Variants in CCDC88A observed in about 807,000 individuals in gnomAD.
CCDC88A encodes girdin.
CCDC88A carries 54 observed loss-of-function variants against 234.3 expected under a neutral mutation model. The observed-to-expected ratio is 0.23, with a 90% confidence interval of 0.19 to 0.29. CCDC88A has a LOEUF of 0.29. Among genes scored for constraint, CCDC88A ranks in the 10% least tolerant of loss-of-function variants. CCDC88A has a pLI of 1.00. For missense variants in CCDC88A, 1,832 were observed against 2,123.4 expected (o/e 0.86, Z 2.70); for synonymous variants, 753 against 737.8 (o/e 1.02, Z -0.33).
chr2:55,334,766 C>T lies in CCDC88A; in HGVS notation c.2055G>A (p.Leu685=). 1.0e-5 allele frequency: 16 copies of T among 1,607,164 alleles called. No individual in the cohort carries two copies. The highest frequency in any genetic ancestry group is 1.4e-5 in the Non-Finnish European group (16 of 1,177,662). The part of the protein sequence containing the change: ...LKKTLDSFKN[L]TFQLESLEKE... ...TTTCTAGGGATTCTAACTGAAAGGT[C>T]AGATTTTTAAAGCTATCCAATGTTT... is the stretch of plus-strand genomic sequence containing the variant. The change falls in exon 15 of 33, where the codon CTG becomes CTA. Residue 685 remains leucine, a synonymous_variant. Transcript: ENST00000436346. The surrounding 1 kb of genome is among the most constrained non-coding windows in gnomAD (Gnocchi z 6.1).
chr2:55,295,101 T>G (rs1276831407), intron 31 of CCDC88A: 1 of 1,304,046 alleles, frequency 7.7e-7, no homozygotes, highest in East Asian at 5.5e-5. Flanking sequence ...AGTTTGATTA[T>G]CCTCAGAAAC....
In CCDC88A at chr2:55,336,669, A is replaced by C; in HGVS notation, c.1656+12T>G. 6.6e-7 allele frequency: 1 copy of C among 1,509,322 alleles called. No individual in the cohort carries two copies. The highest frequency in any genetic ancestry group is 8.9e-7 in the Non-Finnish European group (1 of 1,126,888). 93.5% of individuals were successfully genotyped at this position (1,509,322 alleles called of 1,614,324 possible). A position where few individuals can be genotyped will look rare whatever the true frequency, so the allele number is the denominator to read the frequency against. ...TAAAATACATTGTTTACTTAGTAAA[A>C]AATGTATGAACCTGTCTCTCTGAAT... is the stretch of plus-strand genomic sequence containing the variant. On this transcript the variant is annotated intron_variant, in intron 14 of 32. Transcript: ENST00000436346.
At chr2:55,301,018 T>A (rs1235436814) in intron 28 of CCDC88A, 188 bp downstream of exon 28, 2 of 529,388 alleles carry the variant, frequency 3.8e-6, no homozygotes, top group Non-Finnish European at 6.5e-6. Flanking sequence ...AACATTTAGA[T>A]GAAGCAATTA....
chr2:55,342,936 T>C (rs1668688089), intron 12 of CCDC88A, among the ~76,000 whole-genome samples: 2 of 152,232 alleles, frequency 1.3e-5, no homozygotes, highest in Non-Finnish European at 2.9e-5. Context: ...TTGAAACTAG[T>C]CTAATTTGAA....
Position 55,384,551 on chromosome 2 carries a change from GTATA to G in CCDC88A, c.273+4223_273+4226del, listed in dbSNP as rs750233154. On this transcript the variant is annotated intron_variant, in intron 3 of 32. Coordinates refer to ENST00000436346, the MANE Select transcript of CCDC88A (RefSeq NM_001365480.1). ...TATATACATATATACGTATATATGT[GTATA>G]TATACACATATATACGTATATATGT... 2.6e-5 allele frequency among the ~76,000 whole-genome samples: 2 copies of G among 75,664 alleles called. 1 individual carries two copies. The highest frequency in any genetic ancestry group is 4.6e-5 in the Non-Finnish European group (2 of 43,406). 49.6% of individuals were successfully genotyped at this position (75,664 alleles called of 152,430 possible). A position where few individuals can be genotyped will look rare whatever the true frequency, so the allele number is the denominator to read the frequency against.
At chr2:55,396,505 A>T (rs907443977) in intron 2 of CCDC88A, among the ~76,000 whole-genome samples, 2 of 152,150 alleles carry the variant, frequency 1.3e-5, no homozygotes, top group African/African-American at 4.8e-5. Context: ...CTAGGATCCT[A>T]GAGCTCTTTT....
intron 8 of CCDC88A, among the ~76,000 whole-genome samples, chr2:55,352,078 G>GGACA (rs1669961800): frequency 6.6e-6 from 1 of 152,110 alleles, no homozygotes; most frequent in African/African-American, 2.4e-5. Context: ...GGGCAAAGGG[G>GGACA]GACAGACAGT....
At chr2:55,301,712 T>C (rs1013530721) in intron 27 of CCDC88A, 160 bp downstream of exon 27, 2 of 647,606 alleles carry the variant, frequency 3.1e-6, no homozygotes, top group African/African-American at 3.7e-5. Flanking sequence ...TAACGTTTTA[T>C]ATTTTTAAAA....
rs139768977 is a variant in CCDC88A at position 55,317,901 on chromosome 2, T to G, written c.3325-60A>C. 22 of 1,158,242 alleles carry G rather than the reference T, an allele frequency of 1.9e-5. No homozygotes were observed. In the African/African-American group the frequency reaches 3.2e-4, roughly 17 times the overall value. 71.7% of individuals were successfully genotyped at this position (1,158,242 alleles called of 1,614,324 possible). On this transcript the variant is annotated intron_variant, in intron 19 of 32. Transcript: ENST00000436346. The surrounding 1 kb of genome is among the most constrained non-coding windows in gnomAD (Gnocchi z 4.2). ...AAACAGTTCATGTTCTTTTTCAAAATACAAGATTACAATGTTAATTAAAGA... is the reference window on the plus strand; with the variant it reads ...AAACAGTTCATGTTCTTTTTCAAAAGACAAGATTACAATGTTAATTAAAGA...
chr2:55,307,606 C>T (rs552414679), intron 25 of CCDC88A, among the ~76,000 whole-genome samples: 13 of 152,078 alleles, frequency 8.5e-5, no homozygotes, highest in Admixed American at 4.6e-4. Flanking sequence ...CCGCCCGCCT[C>T]GCCATCCAAA....
At chr2:55,295,183 A>C (rs1411727444) in intron 31 of CCDC88A, 13 of 1,311,620 alleles carry the variant, frequency 9.9e-6, no homozygotes, top group Admixed American at 6.9e-5. Context: ...TTTATAGAAA[A>C]CTGTAGGTTA....
At chr2:55,418,574 G>C in intron 2 of CCDC88A, 1 of 531,388 alleles carries the variant, frequency 1.9e-6, no homozygotes, top group Non-Finnish European at 3.4e-6. Flanking sequence ...CTGAAGACAA[G>C]TGACAATACA....
intron 2 of CCDC88A, among the ~76,000 whole-genome samples, chr2:55,391,650 A>T (rs1180088819): frequency 1.3e-5 from 2 of 152,226 alleles, no homozygotes; most frequent in African/African-American, 4.8e-5. Context: ...CAGGAGCTTA[A>T]CAATGGATTA....
intron 3 of CCDC88A, among the ~76,000 whole-genome samples, chr2:55,376,893 G>A (rs1041480335): frequency 7.2e-5 from 11 of 152,024 alleles, no homozygotes; most frequent in East Asian, 1.9e-4. Context: ...GTGCAGTGGC[G>A]CGATCTTGGC....
intron 2 of CCDC88A, among the ~76,000 whole-genome samples, chr2:55,397,562 A>G (rs1278515842): frequency 6.6e-6 from 1 of 151,854 alleles, no homozygotes; most frequent in Non-Finnish European, 1.5e-5. Flanking sequence ...ATTATATTAT[A>G]CTTTGGATGC....
intron 25 of CCDC88A, among the ~76,000 whole-genome samples, chr2:55,303,486 A>G (rs1231632264): frequency 6.7e-6 from 1 of 149,666 alleles, no homozygotes; most frequent in African/African-American, 2.5e-5. Context: ...TCCGCCTGCG[A>G]TTCTCCTGCC....
At position 55,363,925 on chromosome 2, in the gene CCDC88A, C is replaced by T. The variant is rs372881349; in HGVS notation, c.486+25G>A. On this transcript the variant is annotated intron_variant, in intron 6 of 32. Coordinates refer to ENST00000436346, the MANE Select transcript of CCDC88A (RefSeq NM_001365480.1). ...CACACCACAAGCTTCATAAATAGCACGTAAAATTGTATATATGTCATTACC... is the reference window on the plus strand; with the variant it reads ...CACACCACAAGCTTCATAAATAGCATGTAAAATTGTATATATGTCATTACC... 1.2e-4 allele frequency: 154 copies of T among 1,299,606 alleles called. 2 individuals are homozygous for T. The African/African-American group carries it at 1.5e-3, about 12-fold the overall frequency. The allele number at this position is 1,299,606 out of a possible 1,614,324, so 80.5% of individuals were successfully genotyped here. A position where few individuals can be genotyped will look rare whatever the true frequency, so the allele number is the denominator to read the frequency against.
At chr2:55,391,302 T>A (rs183335611) in intron 2 of CCDC88A, among the ~76,000 whole-genome samples, 3 of 152,130 alleles carry the variant, frequency 2.0e-5, no homozygotes, top group Admixed American at 1.3e-4. Context: ...TGCAAGTAAC[T>A]TGACAACCTG....
chr2:55,308,524 C>A (rs1000018770), intron 25 of CCDC88A: 1 of 322,824 alleles, frequency 3.1e-6, no homozygotes, highest in East Asian at 6.9e-5. Flanking sequence ...AAAAGGCTTG[C>A]CCATATTAAC....
Sources: gnomAD v4.1 joint callset for allele counts (sites outside exome capture counted in the v4.1 genomes callset) on GRCh38, gnomAD v4.1.1 for gene constraint, Gnocchi (gnomAD v3.1) non-coding constraint, MANE v1.5 for transcripts, NCBI Gene and HGNC (gene_info 2026-07-23, HGNC 2026-07-21) for gene names.